The following COL28A1 variants were observed in gnomAD, a reference collection of about 807,000 sequenced individuals.
COL28A1 encodes the protein collagen alpha-1(XXVIII) chain.
In COL28A1, 161 loss-of-function variants were observed where a neutral mutation model predicts 150.2. The ratio of observed to expected loss-of-function variants is 1.07; its 90% CI spans 0.94 to 1.22. The LOEUF (loss-of-function observed/expected upper bound fraction) is 1.22. COL28A1 is among the 50% of genes most tolerant of loss of function. COL28A1 has a pLI of 0.00. For missense variants in COL28A1, 1,617 were observed against 1,388.3 expected (o/e 1.16, Z -2.62); for synonymous variants, 552 against 469.7 (o/e 1.18, Z -2.26).
intron 21 of COL28A1, among the ~76,000 whole-genome samples, chr7:7,439,074 G>A (rs992320435): frequency 3.3e-5 from 5 of 152,158 alleles, no homozygotes; most frequent in South Asian, 2.1e-4. Flanking sequence ...TCCTGCCTCC[G>A]TCTGACTCAT....
upstream of COL28A1, among the ~76,000 whole-genome samples, chr7:7,538,682 C>A (rs1403304472): frequency 1.3e-5 from 2 of 152,066 alleles, no homozygotes; most frequent in African/African-American, 4.8e-5. Flanking sequence ...AGAGACAAGT[C>A]TGCTAGGACT....
chr7:7,435,422 A>G (rs1785271693), intron 23 of COL28A1, among the ~76,000 whole-genome samples: 1 of 152,216 alleles, frequency 6.6e-6, no homozygotes, highest in African/African-American at 2.4e-5. Context: ...TGGGAAGTAG[A>G]CGAACAATTC....
intron 3 of COL28A1, among the ~76,000 whole-genome samples, chr7:7,524,470 A>G (rs1781912902): frequency 6.6e-6 from 1 of 152,146 alleles, no homozygotes; most frequent in Admixed American, 6.5e-5. Flanking sequence ...AAATTAACCT[A>G]TATTTTCTAG....
chr7:7,536,475 A>T (rs1310537054), upstream of COL28A1, among the ~76,000 whole-genome samples: 3 of 152,106 alleles, frequency 2.0e-5, no homozygotes, highest in Non-Finnish European at 2.9e-5. Flanking sequence ...GTAACATGAG[A>T]GGTTTACAGC....
intron 25 of COL28A1, among the ~76,000 whole-genome samples, chr7:7,429,692 C>T (rs1583349781): frequency 6.6e-6 from 1 of 152,082 alleles, no homozygotes; most frequent in East Asian, 1.9e-4. Context: ...CATCTCCTTC[C>T]AGGGCTAGAG....
chr7:7,465,602 T>C (rs1290207652), intron 15 of COL28A1, among the ~76,000 whole-genome samples: 17 of 132,828 alleles, frequency 1.3e-4, no homozygotes, highest in Admixed American at 2.3e-4. Context: ...TGGAGCCCAC[T>C]ACAGCTCAAG....
upstream of COL28A1, among the ~76,000 whole-genome samples, chr7:7,537,315 G>C (rs1032222625): frequency 6.6e-6 from 1 of 152,130 alleles, no homozygotes; most frequent in Non-Finnish European, 1.5e-5. Flanking sequence ...CAAAGCTTTG[G>C]GATGTGGGAG....
intron 32 of COL28A1, 21 bp from the exon 33 acceptor site, chr7:7,370,903 AAGAG>A: frequency 1.3e-6 from 2 of 1,535,380 alleles, no homozygotes; most frequent in Non-Finnish European, 1.8e-6. Context: ...AGAAGTAGAA[AAGAG>A]AGATAGTAGA....
intron 2 of COL28A1, among the ~76,000 whole-genome samples, chr7:7,532,129 A>T (rs1051445161): frequency 1.3e-5 from 2 of 152,170 alleles, no homozygotes; most frequent in African/African-American, 4.8e-5. Context: ...AAAATAAATA[A>T]GATATCTTTT....
At chr7:7,446,514 C>A (rs1486743327) in intron 18 of COL28A1, among the ~76,000 whole-genome samples, 1 of 152,090 alleles carries the variant, frequency 6.6e-6, no homozygotes, top group Non-Finnish European at 1.5e-5. Flanking sequence ...TCAAGACTTA[C>A]CAAACTTCTA....
chr7:7,386,513 G>A (rs1268819537), intron 27 of COL28A1, among the ~76,000 whole-genome samples: 3 of 152,212 alleles, frequency 2.0e-5, no homozygotes, highest in African/African-American at 4.8e-5. Context: ...ATCCTTCAAG[G>A]AGACACAGGC....
At position 7,490,638 on chromosome 7, in the gene COL28A1, TG is replaced by T; in HGVS notation, c.1034del (p.Pro345GlnfsTer93). The T allele has an allele frequency of 7.9e-7, 1 of 1,271,636 alleles. No homozygotes were observed. The highest frequency in any genetic ancestry group is 1.2e-6 in the Non-Finnish European group (1 of 868,398). 78.8% of individuals were successfully genotyped at this position (1,271,636 alleles called of 1,614,324 possible). The stretch of plus-strand genomic sequence containing the variant: ...GAGAACCATAAGGACCAGGAGGACC[TG>T]GCTCACCCTGGAGGAAGAAATAGTG... ...PKGFQGNKGEPGPPGPYGSPG... is the reference protein window; with the variant it reads ...PKGFQGNKGEXGPPGPYGSPG... On this transcript the variant is annotated frameshift_variant, in exon 12 of 35. Coordinates refer to ENST00000399429, the MANE Select transcript of COL28A1 (RefSeq NM_001037763.3). LOFTEE classifies it high-confidence loss of function.
At chr7:7,419,852 AC>A in intron 26 of COL28A1, 32 bp downstream of exon 26, 1 of 1,425,016 alleles carries the variant, frequency 7.0e-7, no homozygotes, top group Non-Finnish European at 9.5e-7. Flanking sequence ...ATGATATCTG[AC>A]CCTCACACAA....
intron 17 of COL28A1, among the ~76,000 whole-genome samples, chr7:7,453,036 T>C (rs1786837470): frequency 6.6e-6 from 1 of 152,228 alleles, no homozygotes; most frequent in Non-Finnish European, 1.5e-5. Context: ...AAAACATTTT[T>C]ATTTGTTAGG....
Position 7,415,784 on chromosome 7 carries a change from G to A in COL28A1, c.2136+2075C>T, listed in dbSNP as rs150837554. ...CCTGACCTCATGATCCACCCACCTC[G>A]GCCTCCCAAAGTGCTGGGTAGTTTT... is the stretch of plus-strand genomic sequence containing the variant. On this transcript the variant is annotated intron_variant, in intron 27 of 34. Coordinates refer to ENST00000399429, the MANE Select transcript of COL28A1 (RefSeq NM_001037763.3). Among the ~76,000 whole-genome samples, 37 of 151,886 alleles carry A rather than the reference G, an allele frequency of 2.4e-4. No homozygotes were observed. The South Asian group carries it at 7.1e-3, about 29-fold the overall frequency.
intron 23 of COL28A1, among the ~76,000 whole-genome samples, chr7:7,435,904 G>C (rs781636147): frequency 2.6e-5 from 4 of 152,200 alleles, no homozygotes; most frequent in Non-Finnish European, 5.9e-5. Context: ...GGTATAGTGT[G>C]AGGAGGAAAA....
In COL28A1 at chr7:7,532,958, T is replaced by C. The variant is rs561023377; in HGVS notation, c.-37-46A>G. On this transcript the variant is annotated intron_variant, in intron 1 of 34. Transcript: ENST00000399429. ...ACAAATACTTTAATAAAATATGGTG[T>C]TTGTTATTTTTAAATTTCAAGCCAG... The C allele has an allele frequency of 3.0e-3, 4,142 of 1,401,696 alleles. 7 individuals are homozygous for C. The highest frequency in any genetic ancestry group is 3.5e-3 in the Non-Finnish European group (3,810 of 1,074,306). 86.8% of individuals were successfully genotyped at this position (1,401,696 alleles called of 1,614,324 possible). A position where few individuals can be genotyped will look rare whatever the true frequency, so the allele number is the denominator to read the frequency against.
In COL28A1 at chr7:7,360,516, T is replaced by C. The variant is rs1780594653; in HGVS notation, c.3079A>G (p.Arg1027Gly). The change falls in exon 34 of 35, where the codon AGA (arginine) becomes GGA (glycine). Residue 1027 changes from arginine (R) to glycine (G), a missense_variant. Transcript: ENST00000399429. ...KEISESLSVTRDQDEDDKAPE... is the reference protein window; with the variant it reads ...KEISESLSVTGDQDEDDKAPE... The stretch of plus-strand genomic sequence containing the variant: ...GCCTTATCATCTTCATCCTGGTCTC[T>C]GGTGACACTCAACTACACAAAAATA... 1.9e-6 allele frequency: 3 copies of C among 1,602,172 alleles called. No homozygotes were observed. Among genetic ancestry groups the C allele is most frequent in the Non-Finnish European group, 2.5e-6 (3 of 1,176,720 alleles).
chr7:7,489,537 C>A, intron 12 of COL28A1, 80 bp from the exon 13 acceptor site: 1 of 826,562 alleles, frequency 1.2e-6, no homozygotes, highest in South Asian at 1.5e-5. Flanking sequence ...CTCAAGATTT[C>A]AACAAGGATA....
Sources: gnomAD v4.1 joint callset for allele counts (sites outside exome capture counted in the v4.1 genomes callset) on GRCh38, gnomAD v4.1.1 for gene constraint, MANE v1.5 for transcripts, NCBI Gene and HGNC (gene_info 2026-07-23, HGNC 2026-07-21) for gene names.